NRCAM: variants seen among roughly 807,000 people sequenced by gnomAD.
NRCAM encodes the protein neuronal cell adhesion molecule, also known as NgCAM-related cell adhesion molecule.
In NRCAM, 83 loss-of-function variants were observed where a neutral mutation model predicts 156.5. The ratio of observed to expected loss-of-function variants is 0.53; its 90% confidence interval spans 0.44 to 0.64. The LOEUF is 0.64. NRCAM is among the 30% of genes least tolerant of loss of function. NRCAM has a pLI of 0.00. For synonymous variants in NRCAM, 538 were observed against 563.9 expected, an observed-to-expected ratio of 0.95 and a Z score of 0.65; for missense variants, 1,417 against 1,597.3, an observed-to-expected ratio of 0.89 and a Z score of 1.92.
rs371795496 is a variant in NRCAM, at chr7:108,218,010, C to T, written c.890+5715G>A. On this transcript the variant is annotated intron_variant, in intron 11 of 32. Transcript: ENST00000379028. Reference sequence around the variant, plus strand: ...CTAGCTCGGTGTCTGCCCAAATGGTCGCCCAGTTTTTTGCTTGAAACCCAG... The same window carrying T: ...CTAGCTCGGTGTCTGCCCAAATGGTTGCCCAGTTTTTTGCTTGAAACCCAG... Among the ~76,000 whole-genome samples the T allele has an allele frequency of 3.9e-5, 6 of 152,248 alleles. No individual in the cohort carries two copies. The South Asian group carries it at 8.3e-4, about 21-fold the overall frequency.
chr7:108,334,645 T>C (rs2099160534), intron 2 of NRCAM, among the ~76,000 whole-genome samples: 1 of 152,146 alleles, frequency 6.6e-6, no homozygotes, highest in African/African-American at 2.4e-5. Flanking sequence ...CTGAGGAACA[T>C]GGCCATCAGA....
intron 2 of NRCAM, among the ~76,000 whole-genome samples, chr7:108,344,735 G>A (rs541287308): frequency 5.9e-5 from 9 of 152,206 alleles, no homozygotes; most frequent in African/African-American, 1.7e-4. Context: ...AGGAGCTATT[G>A]GGTATAGATA....
At chr7:108,274,440 GAAGAGGTCCTT>G (rs2097512627) in intron 3 of NRCAM, among the ~76,000 whole-genome samples, 1 of 152,100 alleles carries the variant, frequency 6.6e-6, no homozygotes, top group African/African-American at 2.4e-5. Flanking sequence ...AGTTCTCCTT[GAAGAGGTCCTT>G]CACTACTCTT....
chr7:108,275,443 C>T (rs538513854), intron 3 of NRCAM, among the ~76,000 whole-genome samples: 1 of 152,304 alleles, frequency 6.6e-6, no homozygotes, highest in Admixed American at 6.5e-5. Flanking sequence ...AGAGATTCAA[C>T]TTCTTCCTGG....
chr7:108,268,341 G>T (rs920890087), intron 3 of NRCAM, among the ~76,000 whole-genome samples: 2 of 152,148 alleles, frequency 1.3e-5, no homozygotes, highest in Non-Finnish European at 2.9e-5. Context: ...GGCTGGGTCT[G>T]CTTAGTTGTG....
At chr7:108,280,351 G>A (rs969700571) in intron 3 of NRCAM, among the ~76,000 whole-genome samples, 7 of 152,204 alleles carry the variant, frequency 4.6e-5, no homozygotes, top group African/African-American at 9.6e-5. Context: ...TGCCAAGGAC[G>A]ATTGCCAATG....
intron 2 of NRCAM, among the ~76,000 whole-genome samples, chr7:108,368,965 G>A (rs552638348): frequency 6.6e-6 from 1 of 152,240 alleles, no homozygotes; most frequent in South Asian, 2.1e-4. Flanking sequence ...GGATTTAACA[G>A]ATAATTTAGA....
rs142740512 is a variant in NRCAM at position 108,184,489 on chromosome 7, C to T, written c.2161G>A (p.Val721Met). Residue 721 changes from valine to methionine, a missense_variant, in exon 21 of 33, where the codon GTG (valine) becomes ATG (methionine). This residue lies in a region of NRCAM where 1,238 missense variants were observed against 1,336.4 expected (regional missense o/e 0.93). Coordinates refer to ENST00000379028, the MANE Select transcript of NRCAM (RefSeq NM_001037132.4). Reference protein sequence around the residue: ...LSPYVNYSFRVMAVNSIGKSL... With the variant: ...LSPYVNYSFRMMAVNSIGKSL... ...TTCCCAATGCTGTTCACTGCCATCACGCGGAAGGAGTAGTTCACGTAAGGA... is the reference window on the plus strand; with the variant it reads ...TTCCCAATGCTGTTCACTGCCATCATGCGGAAGGAGTAGTTCACGTAAGGA... 15 of 1,614,082 alleles carry T rather than the reference C, an allele frequency of 9.3e-6. No homozygotes were observed. The highest frequency in any genetic ancestry group is 2.7e-5 in the African/African-American group (2 of 74,934).
At chr7:108,315,681 T>G (rs1316546659) in intron 2 of NRCAM, among the ~76,000 whole-genome samples, 1 of 152,194 alleles carries the variant, frequency 6.6e-6, no homozygotes, top group Admixed American at 6.5e-5. Context: ...AAGACTAAAC[T>G]TGTTGGGACT....
intron 2 of NRCAM, among the ~76,000 whole-genome samples, chr7:108,338,197 C>T (rs1258717817): frequency 6.6e-6 from 1 of 152,256 alleles, no homozygotes; most frequent in Non-Finnish European, 1.5e-5. Flanking sequence ...AACAGTCACC[C>T]ATGCATGCGC....
chr7:108,162,013 G>C (rs992182323), intron 30 of NRCAM, among the ~76,000 whole-genome samples: 10 of 152,194 alleles, frequency 6.6e-5, no homozygotes, highest in Admixed American at 4.6e-4. Context: ...TAATAGCACT[G>C]ATGGCTAACA....
rs79891222 is a variant in NRCAM at position 108,226,089 on chromosome 7, G to A, written c.721+119C>T. ...TGCCAACACTTTAGTGAGCATTCAT[G>A]GGTGGCTTCCTGATAATGAACCTGT... On this transcript the variant is annotated intron_variant, in intron 9 of 32. Transcript: ENST00000379028. 1.7e-3 allele frequency: 1,185 copies of A among 679,910 alleles called. 13 individuals are homozygous for A. In the East Asian group the frequency reaches 0.028, roughly 16 times the overall value. The allele number at this position is 679,910 out of a possible 1,614,324, so 42.1% of individuals were successfully genotyped here. A position where few individuals can be genotyped will look rare whatever the true frequency, so the allele number is the denominator to read the frequency against.
intron 3 of NRCAM, among the ~76,000 whole-genome samples, chr7:108,254,776 C>A (rs1426896928): frequency 1.3e-5 from 2 of 152,034 alleles, no homozygotes; most frequent in African/African-American, 4.8e-5. Context: ...GTCTCGAATT[C>A]CTGAGCTTTA....
At chr7:108,175,673 T>C (rs568189207) in intron 27 of NRCAM, among the ~76,000 whole-genome samples, 72 of 152,298 alleles carry the variant, frequency 4.7e-4, no homozygotes, top group Non-Finnish European at 5.9e-5. Flanking sequence ...TGGATAGAAA[T>C]TGTCAATTTT....
At chr7:108,171,100 C>T (rs1460121711) in intron 28 of NRCAM, among the ~76,000 whole-genome samples, 1 of 152,126 alleles carries the variant, frequency 6.6e-6, no homozygotes, top group East Asian at 1.9e-4. Context: ...CTTTTAATCC[C>T]CACTCATCCA....
At chr7:108,241,665 A>AT (rs946278530) in intron 3 of NRCAM, among the ~76,000 whole-genome samples, 40 of 152,220 alleles carry the variant, frequency 2.6e-4, no homozygotes, top group African/African-American at 9.1e-4. Flanking sequence ...TAGGTAGTAA[A>AT]TAAATATTTG....
intron 3 of NRCAM, among the ~76,000 whole-genome samples, chr7:108,288,032 C>A (rs1335840019): frequency 6.6e-6 from 1 of 152,016 alleles, no homozygotes; most frequent in African/African-American, 2.4e-5. Flanking sequence ...TACGTATACA[C>A]ATAACCATGG....
chr7:108,165,849 G>C (rs1235994957), intron 30 of NRCAM, among the ~76,000 whole-genome samples: 1 of 152,158 alleles, frequency 6.6e-6, no homozygotes, highest in Admixed American at 6.5e-5. Context: ...TATTCTACAG[G>C]ATATGCACAT....
At chr7:108,183,690 C>A (rs1226662321) in intron 22 of NRCAM, among the ~76,000 whole-genome samples, 2 of 152,120 alleles carry the variant, frequency 1.3e-5, no homozygotes, top group Non-Finnish European at 2.9e-5. Context: ...GCATGCAGCA[C>A]TACACCCGGC....
Sources: allele counts gnomAD v4.1 joint callset (sites outside exome capture counted in the v4.1 genomes callset), GRCh38; gene constraint gnomAD v4.1.1; regional missense constraint gnomAD v4.1.1; transcripts MANE v1.5; gene names NCBI Gene and HGNC (gene_info 2026-07-23, HGNC 2026-07-21).